TNS3: variants seen among roughly 807,000 people sequenced by gnomAD.
TNS3 encodes tensin-3.
A neutral mutation model predicts 140.9 loss-of-function variants in TNS3; 45 were observed. The ratio of observed to expected loss-of-function variants is 0.32; its 90% CI spans 0.25 to 0.41. TNS3 has a LOEUF of 0.41. TNS3 is among the 10% of genes least tolerant of loss of function. The probability of loss-of-function intolerance (pLI) is 1.00; values close to 1 mark genes in which losing one functional copy is unlikely to be tolerated. For missense variants in TNS3, 1,716 were observed against 1,906.7 expected (o/e 0.90, Z 1.86); for synonymous variants, 815 against 788.4 (o/e 1.03, Z -0.56).
chr7:47,302,039 T>C, intron 23 of TNS3, 147 bp downstream of exon 23: 1 of 636,760 alleles, frequency 1.6e-6, no homozygotes, highest in Non-Finnish European at 2.8e-6. Context: ...CCAGGAGGCA[T>C]GGAATAACGT....
At chr7:47,518,667 G>C (rs1177826740) in intron 2 of TNS3, among the ~76,000 whole-genome samples, 1 of 152,100 alleles carries the variant, frequency 6.6e-6, no homozygotes, top group Non-Finnish European at 1.5e-5. Flanking sequence ...ATCTCTACAA[G>C]AAAGAATATA....
chr7:47,577,790 G>A (rs938045819), intron 1 of TNS3, among the ~76,000 whole-genome samples: 2 of 152,084 alleles, frequency 1.3e-5, no homozygotes, highest in East Asian at 1.9e-4. Context: ...GAGAGCTGGC[G>A]GGCTGTTTGC....
At chr7:47,473,505 G>T (rs983689141) in intron 4 of TNS3, among the ~76,000 whole-genome samples, 2 of 152,178 alleles carry the variant, frequency 1.3e-5, no homozygotes, top group African/African-American at 4.8e-5. Flanking sequence ...ACGTGTAGGT[G>T]ATCTTCAGCC....
intron 3 of TNS3, among the ~76,000 whole-genome samples, chr7:47,501,697 C>T (rs934060292): frequency 2.0e-5 from 3 of 152,018 alleles, no homozygotes; most frequent in Non-Finnish European, 4.4e-5. Flanking sequence ...CTGCGACAGC[C>T]GAGGCCCCTG....
In TNS3 at chr7:47,295,901, T is replaced by C. The variant is rs973738215; in HGVS notation, c.3676+1181A>G. On this transcript the variant is annotated intron_variant, in intron 24 of 30. Transcript: ENST00000311160. ...AAGAATTTGGAAAAATTCTCTCAGG[T>C]ATTAGGCACAGAGCATGAGTGAACC... 7.9e-5 allele frequency among the ~76,000 whole-genome samples: 12 copies of C among 152,296 alleles called. No individual in the cohort carries two copies. In the East Asian group the frequency reaches 2.3e-3, roughly 29 times the overall value.
intron 20 of TNS3, among the ~76,000 whole-genome samples, chr7:47,334,605 C>CTTTTTTT (rs386410072): frequency 2.5e-5 from 3 of 118,770 alleles, no homozygotes; most frequent in Admixed American, 9.3e-5. Flanking sequence ...AACCACGACT[C>CTTTTTTT]TTTTTTTTTT....
intron 1 of TNS3, among the ~76,000 whole-genome samples, chr7:47,556,642 A>G (rs1800203584): frequency 6.6e-6 from 1 of 152,206 alleles, no homozygotes; most frequent in Non-Finnish European, 1.5e-5. Context: ...TCCTCCGGTC[A>G]GTGGGTACAT....
At chr7:47,541,283 CAG>C (rs1258495406) in intron 1 of TNS3, among the ~76,000 whole-genome samples, 1 of 152,118 alleles carries the variant, frequency 6.6e-6, no homozygotes, top group Non-Finnish European at 1.5e-5. Flanking sequence ...TGGTGTGACT[CAG>C]AGTTTCCAAT....
In TNS3 at chr7:47,415,188, A is replaced by T; in HGVS notation, c.492T>A (p.Ser164Arg). The T allele has an allele frequency of 6.2e-7, 1 of 1,608,962 alleles. No individual in the cohort carries two copies. Among genetic ancestry groups the T allele is most frequent in the Non-Finnish European group, 8.5e-7 (1 of 1,178,020 alleles). Residue 164 changes from serine (S) to arginine (R), a missense_variant, in exon 11 of 31, where the codon AGT becomes AGA. By Grantham distance (110) the Ser-to-Arg change is moderately radical. This residue lies in a region of TNS3 where 337 missense variants were observed against 428.9 expected (regional missense o/e 0.79). Transcript: ENST00000311160. Reference protein sequence around the residue: ...PSQKRYVQFLSGLLSGSVKMN... With the variant: ...PSQKRYVQFLRGLLSGSVKMN... ...TTTTCACCGATCCGGACAGGAGCCC[A>T]CTGAGGAACTGAACATACCTGCAAA...
At chr7:47,363,671 C>A (rs1315117790) in intron 17 of TNS3, among the ~76,000 whole-genome samples, 1 of 152,164 alleles carries the variant, frequency 6.6e-6, no homozygotes, top group African/African-American at 2.4e-5. Flanking sequence ...CAAGAAGGGG[C>A]TCATGTAGAC....
At chr7:47,463,585 CA>C (rs1796578386) in intron 4 of TNS3, among the ~76,000 whole-genome samples, 1 of 152,194 alleles carries the variant, frequency 6.6e-6, no homozygotes, top group African/African-American at 2.4e-5. Flanking sequence ...CTGGACATCA[CA>C]TCAGCACTAC....
At chr7:47,574,184 T>C (rs1460600929) in intron 1 of TNS3, among the ~76,000 whole-genome samples, 1 of 152,010 alleles carries the variant, frequency 6.6e-6, no homozygotes, top group African/African-American at 2.4e-5. Context: ...AAAACCATTC[T>C]CCAGAAACAA....
chr7:47,564,524 TA>T (rs1485275642), intron 1 of TNS3, among the ~76,000 whole-genome samples: 1 of 150,994 alleles, frequency 6.6e-6, no homozygotes, highest in African/African-American at 2.4e-5. Context: ...TAATCCCAGC[TA>T]CTCGGGAGGC....
At chr7:47,425,789 C>T (rs2665775) in intron 9 of TNS3, among the ~76,000 whole-genome samples, 61,338 of 151,930 alleles carry the variant, frequency 0.4, 12,535 homozygotes, top group Non-Finnish European at 0.42. Flanking sequence ...ACTCTTATTT[C>T]TATGGTGTTG....
At position 47,407,105 on chromosome 7, in the gene TNS3, T is replaced by C. The variant is rs1793493411; in HGVS notation, c.723+4622A>G. ...ACGTGCAACCGCATTTTTTTCTTCC[T>C]GTGTTGTTCCCTTAGGTCGTTTTCA... On this transcript the variant is annotated intron_variant, in intron 13 of 30. Transcript: ENST00000311160. The surrounding 1 kb of genome is among the most constrained non-coding windows in gnomAD (Gnocchi z 4.1). 6.6e-6 allele frequency among the ~76,000 whole-genome samples: 1 copy of C among 152,170 alleles called. No homozygotes were observed. The highest frequency in any genetic ancestry group is 1.5e-5 in the Non-Finnish European group (1 of 68,030).
intron 20 of TNS3, among the ~76,000 whole-genome samples, chr7:47,334,898 C>T (rs762671395): frequency 1.3e-5 from 2 of 151,968 alleles, no homozygotes; most frequent in Non-Finnish European, 2.9e-5. Flanking sequence ...TGAGCCACTG[C>T]GCCTGGCGAG....
At chr7:47,489,393 C>T (rs1797729736) in intron 3 of TNS3, among the ~76,000 whole-genome samples, 1 of 152,216 alleles carries the variant, frequency 6.6e-6, no homozygotes, top group Non-Finnish European at 1.5e-5. Context: ...CTCTAGGGGC[C>T]TCAGTTTCCC....
chr7:47,355,357 C>T (rs1584468994), intron 17 of TNS3, among the ~76,000 whole-genome samples: 1 of 152,280 alleles, frequency 6.6e-6, no homozygotes, highest in Admixed American at 6.5e-5. Context: ...GGGTGGGGGA[C>T]GGTCCTGACA....
At position 47,303,297 on chromosome 7, in the gene TNS3, A is replaced by C. The variant is rs752202251; in HGVS notation, c.3110T>G (p.Leu1037Arg). ...VGSGLPPEED[L>R]GALLANSHGA... ...ATGAGAATTGGCCAGCAAGGCCCCC[A>C]GGTCCTCCTCGGGCGGAAGGCCACT... Residue 1037 changes from leucine (L) to arginine (R), a missense_variant, in exon 22 of 31, where the codon CTG (leucine) becomes CGG (arginine). Coordinates refer to ENST00000311160, the MANE Select transcript of TNS3 (RefSeq NM_022748.12). 2.5e-6 allele frequency: 4 copies of C among 1,613,594 alleles called. No individual in the cohort carries two copies. The highest frequency in any genetic ancestry group is 3.4e-6 in the Non-Finnish European group (4 of 1,179,890).
Sources: allele counts gnomAD v4.1 joint callset (sites outside exome capture counted in the v4.1 genomes callset), GRCh38; gene constraint gnomAD v4.1.1; regional missense constraint gnomAD v4.1.1; non-coding constraint Gnocchi (gnomAD v3.1); transcripts MANE v1.5; gene names NCBI Gene and HGNC (gene_info 2026-07-23, HGNC 2026-07-21).